Variants in XPO6 observed in about 807,000 individuals in gnomAD.
XPO6 encodes the protein exportin 6.
In XPO6, 3 loss-of-function variants were observed where a neutral mutation model predicts 130.0. That is an observed-to-expected ratio of 0.02 (90% CI 0.01 to 0.06). The LOEUF is 0.06. Ranked by LOEUF, XPO6 falls within the 10% of genes least tolerant of loss-of-function variation. XPO6 has a pLI of 1.00. For synonymous variants in XPO6, 524 were observed against 548.9 expected (o/e 0.95, Z 0.63); for missense variants, 970 against 1,393.0 (o/e 0.70, Z 4.83).
chr16:28,197,070 G>A (rs1006451253), intron 1 of XPO6, among the ~76,000 whole-genome samples: 2 of 152,024 alleles, frequency 1.3e-5, no homozygotes, highest in Non-Finnish European at 2.9e-5. Context: ...TAGCCAAAAT[G>A]GTGAAACCCC....
intron 1 of XPO6, among the ~76,000 whole-genome samples, chr16:28,209,458 G>A (rs2141922656): frequency 6.6e-6 from 1 of 152,034 alleles, no homozygotes; most frequent in South Asian, 2.1e-4. Context: ...TGACCAACAT[G>A]GTGAAACCCC....
intron 5 of XPO6, among the ~76,000 whole-genome samples, chr16:28,169,113 G>A (rs1028300229): frequency 9.2e-5 from 14 of 152,184 alleles, no homozygotes; most frequent in Admixed American, 2.6e-4. Flanking sequence ...AGGGCCTCAC[G>A]GCCAGGCATT....
At chr16:28,121,906 G>C (rs192821136) in intron 13 of XPO6, 144 bp from the exon 14 acceptor site, 2 of 601,514 alleles carry the variant, frequency 3.3e-6, no homozygotes, top group Non-Finnish European at 6.0e-6. Flanking sequence ...TCAATTTTAT[G>C]CCAAGGAAAT....
chr16:28,172,998 T>C (rs1407284977), intron 4 of XPO6: 1 of 152,156 alleles, frequency 6.6e-6, no homozygotes, highest in African/African-American at 2.4e-5. Flanking sequence ...GTAGTAAACA[T>C]GTATAGTTTT....
At chr16:28,190,715 G>A (rs1026822430) in intron 1 of XPO6, among the ~76,000 whole-genome samples, 3 of 152,150 alleles carry the variant, frequency 2.0e-5, no homozygotes, top group African/African-American at 7.2e-5. Flanking sequence ...TCTATTAACC[G>A]AAGATGGTAA....
chr16:28,158,746 CCA>C (rs1235956487), intron 6 of XPO6, among the ~76,000 whole-genome samples: 1 of 152,112 alleles, frequency 6.6e-6, no homozygotes, highest in Non-Finnish European at 1.5e-5. Context: ...AGGCCCCATC[CCA>C]CACCTACTGG....
chr16:28,138,943 C>T (rs566970641), intron 9 of XPO6, among the ~76,000 whole-genome samples: 1 of 152,252 alleles, frequency 6.6e-6, no homozygotes, highest in East Asian at 1.9e-4. Context: ...TCGACAGATG[C>T]CAACCTCAAG....
chr16:28,160,583 T>C (rs59569439), intron 6 of XPO6, among the ~76,000 whole-genome samples: 7,590 of 151,770 alleles, frequency 0.05, 509 homozygotes, highest in East Asian at 0.17. Flanking sequence ...TTTTTGTCTT[T>C]TTATCTGTCT....
intron 12 of XPO6, among the ~76,000 whole-genome samples, chr16:28,129,336 G>C (rs903867644): frequency 6.6e-6 from 1 of 152,198 alleles, no homozygotes; most frequent in Non-Finnish European, 1.5e-5. Context: ...AACTTGAGGG[G>C]ATAGGCCAGT....
chr16:28,201,545 G>A (rs982806507), intron 1 of XPO6, among the ~76,000 whole-genome samples: 2 of 152,196 alleles, frequency 1.3e-5, no homozygotes, highest in Non-Finnish European at 2.9e-5. Flanking sequence ...CTTCTGAACT[G>A]TCTGACACTC....
chr16:28,157,075 T>C (rs1363799337), intron 6 of XPO6, among the ~76,000 whole-genome samples: 1 of 152,046 alleles, frequency 6.6e-6, no homozygotes, highest in African/African-American at 2.4e-5. Flanking sequence ...ATAAGAGTAT[T>C]TGAAATATAA....
intron 4 of XPO6, among the ~76,000 whole-genome samples, chr16:28,173,600 A>G (rs1455587966): frequency 6.6e-6 from 1 of 152,198 alleles, no homozygotes; most frequent in African/African-American, 2.4e-5. Context: ...AAAAGAAAAG[A>G]AAAAGAAGAC....
chr16:28,203,322 G>A (rs1030652463), intron 1 of XPO6, among the ~76,000 whole-genome samples: 6 of 151,566 alleles, frequency 4.0e-5, no homozygotes, highest in African/African-American at 1.5e-4. Flanking sequence ...TAGAATGAAT[G>A]ACAGGGGGAA....
intron 1 of XPO6, among the ~76,000 whole-genome samples, chr16:28,191,723 G>C (rs537893465): frequency 3.3e-5 from 5 of 152,262 alleles, no homozygotes; most frequent in African/African-American, 7.2e-5. Context: ...CTGCTCCAAG[G>C]GTTTTAAGGA....
chr16:28,111,745 AATCTC>A (rs1171792683), intron 17 of XPO6, 67 bp downstream of exon 17: 1 of 1,550,980 alleles, frequency 6.4e-7, no homozygotes, highest in African/African-American at 1.4e-5. Context: ...CTCCGGGGCA[AATCTC>A]ATCTGCCACA....
At chr16:28,130,448 G>A (rs2141281658) in intron 12 of XPO6, among the ~76,000 whole-genome samples, 1 of 152,326 alleles carries the variant, frequency 6.6e-6, no homozygotes, top group East Asian at 1.9e-4. Flanking sequence ...ATTTGAGGGG[G>A]TAAATGGCTA....
chr16:28,180,756 T>C (rs2043602347), intron 2 of XPO6, among the ~76,000 whole-genome samples, 185 bp downstream of exon 2: 1 of 152,060 alleles, frequency 6.6e-6, no homozygotes, highest in African/African-American at 2.4e-5. Context: ...CAGTGATGGA[T>C]TTTCTTTCCT....
In XPO6 at chr16:28,179,519, G is replaced by A. The variant is rs1343373291; in HGVS notation, c.94+1422C>T. Among the ~76,000 whole-genome samples, 10 of 152,196 alleles carry A rather than the reference G, an allele frequency of 6.6e-5. 1 individual carries two copies. Among genetic ancestry groups the A allele is most frequent in the Admixed American group, 5.2e-4 (8 of 15,284 alleles). On this transcript the variant is annotated intron_variant, in intron 2 of 23. Transcript: ENST00000304658. Reference sequence around the variant, plus strand: ...AACTCTGGGCTCTGTTCTAGACTCTGAGTCTGACCCCAGGTGAGTCACTGC... The same window carrying A: ...AACTCTGGGCTCTGTTCTAGACTCTAAGTCTGACCCCAGGTGAGTCACTGC...
chr16:28,143,825 C>T (rs1486463693), intron 9 of XPO6, among the ~76,000 whole-genome samples: 2 of 152,142 alleles, frequency 1.3e-5, no homozygotes, highest in Admixed American at 1.3e-4. Flanking sequence ...TTAGTAGAGA[C>T]AGGGTTTCAC....
Sources: gnomAD v4.1 joint callset for allele counts (sites outside exome capture counted in the v4.1 genomes callset) on GRCh38, gnomAD v4.1.1 for gene constraint, MANE v1.5 for transcripts, NCBI Gene and HGNC (gene_info 2026-07-23, HGNC 2026-07-21) for gene names.